RCOR1: variants seen among roughly 807,000 people sequenced by gnomAD.
The protein encoded by RCOR1 is REST corepressor 1.
In RCOR1, 12 loss-of-function variants were observed where a neutral mutation model predicts 64.0. The ratio of observed to expected loss-of-function variants is 0.19; its 90% CI spans 0.12 to 0.30. RCOR1 has a LOEUF of 0.30. RCOR1 is among the 10% of genes least tolerant of loss of function. The pLI is 1.00. For synonymous variants in RCOR1, 279 were observed against 227.2 expected, an observed-to-expected ratio of 1.23 and a Z score of -2.05; for missense variants, 502 against 621.2, an observed-to-expected ratio of 0.81 and a Z score of 2.04.
chr14:102,677,820 ATC>A (rs1310613718), intron 2 of RCOR1, among the ~76,000 whole-genome samples: 5 of 150,822 alleles, frequency 3.3e-5, no homozygotes, highest in African/African-American at 1.2e-4. Flanking sequence ...AGAGGCTGCA[ATC>A]TCGGCACTTT....
At chr14:102,627,724 A>C (rs1894010314) in intron 2 of RCOR1, among the ~76,000 whole-genome samples, 1 of 151,460 alleles carries the variant, frequency 6.6e-6, no homozygotes, top group Non-Finnish European at 1.5e-5. Context: ...GATTCTGTAT[A>C]TTCTTTCTTT....
chr14:102,592,988 C>T lies in RCOR1; in HGVS notation c.102C>T (p.Ala34=). 8.6e-7 allele frequency: 1 copy of T among 1,164,290 alleles called. No homozygotes were observed. Among genetic ancestry groups the T allele is most frequent in the Non-Finnish European group, 1.1e-6 (1 of 945,206 alleles). The allele number at this position is 1,164,290 out of a possible 1,614,324, so 72.1% of individuals were successfully genotyped here. A position where few individuals can be genotyped will look rare whatever the true frequency, so the allele number is the denominator to read the frequency against. The change falls in exon 1 of 12, where the codon GCC becomes GCT. Residue 34 remains alanine, a synonymous_variant. Transcript: ENST00000262241. Reference sequence around the variant, plus strand: ...CCGCCGCCGCCGCCTCCGCCGCCGCCTCGGCCGCCTGCGCCTCGCCAGCCG... The same window carrying T: ...CCGCCGCCGCCGCCTCCGCCGCCGCTTCGGCCGCCTGCGCCTCGCCAGCCG... ...SASAAAASAA[A]SAACASPAAT...
At chr14:102,613,145 A>C (rs1567407680) in intron 2 of RCOR1, among the ~76,000 whole-genome samples, 1 of 151,956 alleles carries the variant, frequency 6.6e-6, no homozygotes, top group Non-Finnish European at 1.5e-5. Flanking sequence ...TCTGTCGCCC[A>C]CGCTGGAATG....
chr14:102,593,077 C>T lies in RCOR1; in HGVS notation c.191C>T (p.Ala64Val). The T allele has an allele frequency of 2.8e-6, 4 of 1,435,758 alleles. No homozygotes were observed. Among genetic ancestry groups the T allele is most frequent in the East Asian group, 6.1e-5 (2 of 32,630 alleles). The allele number at this position is 1,435,758 out of a possible 1,614,324, so 88.9% of individuals were successfully genotyped here. A position where few individuals can be genotyped will look rare whatever the true frequency, so the allele number is the denominator to read the frequency against. ...ASAAAASAAA[A>V]PNNGQNKSLA... ...GCCGCCGCCGCCTCAGCCGCCGCCG[C>T]CCCCAATAATGGCCAGAATAAAAGT... The change falls in exon 1 of 12, where the codon GCC becomes GTC. Residue 64 changes from alanine (A) to valine (V), a missense_variant. Around this residue, in one of 2 missense-constraint regions of RCOR1, gnomAD observed 242 missense variants for 204.9 expected, o/e 1.18. Transcript: ENST00000262241.
At chr14:102,709,605 T>C (rs1021781148) in intron 6 of RCOR1, among the ~76,000 whole-genome samples, 1 of 152,132 alleles carries the variant, frequency 6.6e-6, no homozygotes, top group Non-Finnish European at 1.5e-5. Context: ...AAATTGAGAG[T>C]GATGTTAAGA....
chr14:102,628,981 C>G, intron 2 of RCOR1, among the ~76,000 whole-genome samples: 1 of 151,732 alleles, frequency 6.6e-6, no homozygotes, highest in East Asian at 1.9e-4. Context: ...AACTCCACCT[C>G]CTGGGCCCAA....
intron 2 of RCOR1, among the ~76,000 whole-genome samples, chr14:102,601,803 C>T (rs74082435): frequency 0.13 from 19,221 of 152,220 alleles, 1,464 homozygotes; most frequent in African/African-American, 0.21. Context: ...CAGTTAACTA[C>T]ACTCCTTGCA....
intron 2 of RCOR1, among the ~76,000 whole-genome samples, chr14:102,639,641 C>G (rs1178876808): frequency 6.6e-6 from 1 of 150,760 alleles, no homozygotes. Context: ...TCAAGAGATT[C>G]TCCTGCCTCA....
chr14:102,720,529 T>G (rs779292765), intron 8 of RCOR1, among the ~76,000 whole-genome samples: 4 of 152,224 alleles, frequency 2.6e-5, no homozygotes, highest in Admixed American at 6.5e-5. Context: ...CTTGTGCACT[T>G]CTGCCCTGTG....
chr14:102,667,367 G>C (rs570256395), intron 2 of RCOR1, among the ~76,000 whole-genome samples: 3 of 152,184 alleles, frequency 2.0e-5, no homozygotes, highest in Admixed American at 6.5e-5. Flanking sequence ...CGGGCGTGGT[G>C]GTGGGTGCCT....
At chr14:102,697,868 G>A (rs561223360) in intron 3 of RCOR1, among the ~76,000 whole-genome samples, 3 of 151,832 alleles carry the variant, frequency 2.0e-5, no homozygotes, top group Non-Finnish European at 2.9e-5. Flanking sequence ...TTACAGACAC[G>A]CACCACCGTG....
At chr14:102,599,251 C>T (rs1045349209) in intron 2 of RCOR1, among the ~76,000 whole-genome samples, 4 of 151,890 alleles carry the variant, frequency 2.6e-5, no homozygotes, top group African/African-American at 4.8e-5. Flanking sequence ...TACTTTACCT[C>T]GAAAGTAGCT....
At chr14:102,618,700 A>G (rs879289769) in intron 2 of RCOR1, among the ~76,000 whole-genome samples, 9 of 152,206 alleles carry the variant, frequency 5.9e-5, no homozygotes, top group Non-Finnish European at 8.8e-5. Context: ...AACTTTGTAT[A>G]TTAGACATCA....
intron 3 of RCOR1, among the ~76,000 whole-genome samples, chr14:102,686,861 A>G (rs975633705): frequency 1.3e-5 from 2 of 152,150 alleles, no homozygotes; most frequent in African/African-American, 4.8e-5. Context: ...CCACATTACA[A>G]ACAGACTGAT....
At chr14:102,636,292 T>C (rs1233680070) in intron 2 of RCOR1, among the ~76,000 whole-genome samples, 3 of 151,974 alleles carry the variant, frequency 2.0e-5, no homozygotes, top group Non-Finnish European at 4.4e-5. Context: ...TTTTCCTTTT[T>C]TTGAGATGGA....
intron 2 of RCOR1, among the ~76,000 whole-genome samples, chr14:102,616,735 A>G (rs962262050): frequency 6.6e-6 from 1 of 151,882 alleles, no homozygotes; most frequent in African/African-American, 2.4e-5. Flanking sequence ...GCAATCCCCC[A>G]TGTGTTTGGC....
chr14:102,693,515 C>T (rs963299157), intron 3 of RCOR1, among the ~76,000 whole-genome samples: 2 of 152,106 alleles, frequency 1.3e-5, no homozygotes, highest in African/African-American at 4.8e-5. Flanking sequence ...GAATAGAAAA[C>T]CCTCCACATT....
intron 2 of RCOR1, among the ~76,000 whole-genome samples, chr14:102,680,243 A>T (rs976375436): frequency 9.9e-5 from 15 of 152,218 alleles, no homozygotes; most frequent in African/African-American, 2.6e-4. Flanking sequence ...CTACAACCTT[A>T]CTAAACTTGT....
intron 2 of RCOR1, among the ~76,000 whole-genome samples, chr14:102,607,282 T>C (rs1373700460): frequency 6.6e-6 from 1 of 152,206 alleles, no homozygotes; most frequent in Admixed American, 6.5e-5. Flanking sequence ...TGCAACTGTA[T>C]ATCAAATGGA....
Sources: gnomAD v4.1 joint callset for allele counts (sites outside exome capture counted in the v4.1 genomes callset) on GRCh38, gnomAD v4.1.1 for gene constraint, gnomAD v4.1.1 regional missense constraint, MANE v1.5 for transcripts, NCBI Gene and HGNC (gene_info 2026-07-23, HGNC 2026-07-21) for gene names.